The following GLI3 variants were observed in gnomAD, a reference collection of about 807,000 sequenced individuals.
The protein encoded by GLI3 is GLI family zinc finger 3.
In GLI3, 20 loss-of-function variants were observed where a neutral mutation model predicts 100.8. That is an observed-to-expected ratio of 0.20 (90% CI 0.14 to 0.29). GLI3 has a LOEUF of 0.29. Among genes scored for constraint, GLI3 ranks in the 10% least tolerant of loss-of-function variants. GLI3 has a pLI of 1.00. For synonymous variants in GLI3, 938 were observed against 860.5 expected (o/e 1.09, Z -1.58); for missense variants, 2,040 against 2,128.5 (o/e 0.96, Z 0.82).
At chr7:42,011,428 C>T (rs1314144741) in intron 10 of GLI3, among the ~76,000 whole-genome samples, 6 of 152,196 alleles carry the variant, frequency 3.9e-5, no homozygotes, top group Admixed American at 3.9e-4. Context: ...CCCAAAAGAA[C>T]TGAAAACAGG....
intron 1 of GLI3, among the ~76,000 whole-genome samples, chr7:42,250,501 T>C (rs1789019875): frequency 1.3e-5 from 2 of 152,176 alleles, no homozygotes; most frequent in Admixed American, 6.5e-5. Flanking sequence ...CAAGCTGAGA[T>C]GTGTGGCCCA....
intron 1 of GLI3, among the ~76,000 whole-genome samples, chr7:42,246,754 G>T (rs1183886499): frequency 6.8e-6 from 1 of 147,540 alleles, no homozygotes; most frequent in African/African-American, 2.5e-5. Context: ...ATTTTCGGCG[G>T]TTGGTAAATG....
chr7:42,056,798 A>AAAATAAATAAATAAAT (rs553929567), intron 4 of GLI3, among the ~76,000 whole-genome samples: 11,917 of 148,380 alleles, frequency 0.08, 570 homozygotes, highest in Non-Finnish European at 0.1. Context: ...TAAAAATACA[A>AAAATAAATAAATAAAT]AAATAAATAA....
chr7:42,226,896 A>G (rs778843461), intron 1 of GLI3, among the ~76,000 whole-genome samples: 7 of 152,204 alleles, frequency 4.6e-5, no homozygotes, highest in Non-Finnish European at 1.0e-4. Flanking sequence ...GGGAATAGTC[A>G]GGAGCTTGGA....
At chr7:42,139,641 T>C (rs979687912) in intron 3 of GLI3, among the ~76,000 whole-genome samples, 2 of 152,146 alleles carry the variant, frequency 1.3e-5, no homozygotes, top group Admixed American at 1.3e-4. Context: ...ATCACACCAT[T>C]GCACTCCAGC....
intron 4 of GLI3, among the ~76,000 whole-genome samples, chr7:42,049,853 A>G (rs1379868353): frequency 6.6e-6 from 1 of 152,206 alleles, no homozygotes; most frequent in Non-Finnish European, 1.5e-5. Context: ...GGCCATAGGA[A>G]GGGGAGGCCC....
chr7:42,073,327 T>G (rs1159611235), intron 4 of GLI3, among the ~76,000 whole-genome samples: 6 of 152,184 alleles, frequency 3.9e-5, no homozygotes, highest in Admixed American at 3.3e-4. Flanking sequence ...ACTGGGTTCT[T>G]TAACACAAAC....
In GLI3 at chr7:41,962,032, G is replaced by A. The variant is rs1156511873; in HGVS notation, c.*2298C>T. ...CCCAGAAAATAACCTGAAACCATAG[G>A]AAAGAGCAGAAGCACAAGACAACAA... On this transcript the variant is annotated 3_prime_UTR_variant, in exon 15 of 15. Coordinates refer to ENST00000395925, the MANE Select transcript of GLI3 (RefSeq NM_000168.6). 1 of 152,066 alleles carries A rather than the reference G, an allele frequency of 6.6e-6. No homozygotes were observed. Among genetic ancestry groups the A allele is most frequent in the Non-Finnish European group, 1.5e-5 (1 of 68,002 alleles). The allele number at this position is 152,066 out of a possible 1,614,324, so 9.4% of individuals were successfully genotyped here. A position where few individuals can be genotyped will look rare whatever the true frequency, so the allele number is the denominator to read the frequency against.
chr7:42,086,040 C>G (rs1224170082), intron 3 of GLI3, among the ~76,000 whole-genome samples: 1 of 152,220 alleles, frequency 6.6e-6, no homozygotes, highest in Non-Finnish European at 1.5e-5. Flanking sequence ...TCCACTCCAT[C>G]TGCAGTTCCT....
intron 3 of GLI3, among the ~76,000 whole-genome samples, chr7:42,102,169 AG>A: frequency 6.6e-6 from 1 of 152,274 alleles, no homozygotes; most frequent in South Asian, 2.1e-4. Flanking sequence ...TCTTTATAGC[AG>A]CATGATTTAT....
intron 7 of GLI3, among the ~76,000 whole-genome samples, chr7:42,037,010 T>C (rs534364275): frequency 1.6e-3 from 242 of 152,214 alleles, no homozygotes; most frequent in Middle Eastern, 3.4e-3. Flanking sequence ...GGCACAGTGG[T>C]GGGCCACTAT....
chr7:41,976,908 G>T (rs1787528710), intron 12 of GLI3, among the ~76,000 whole-genome samples: 1 of 152,152 alleles, frequency 6.6e-6, no homozygotes, highest in Non-Finnish European at 1.5e-5. Context: ...ATTTAGGGGG[G>T]ATCGCTACCT....
At position 41,961,193 on chromosome 7, in the gene GLI3, A is replaced by G. The variant is rs1168344200; in HGVS notation, c.*3137T>C. 1 of 152,644 alleles carries G rather than the reference A, an allele frequency of 6.6e-6. No individual in the cohort carries two copies. Among genetic ancestry groups the G allele is most frequent in the Non-Finnish European group, 1.5e-5 (1 of 68,050 alleles). 9.5% of individuals were successfully genotyped at this position (152,644 alleles called of 1,614,324 possible). The stretch of plus-strand genomic sequence containing the variant: ...TACATGTGTTTCTTTTAAAAAAAGG[A>G]TTACACATTTTATTTTTTAAAAAAA... On this transcript the variant is annotated 3_prime_UTR_variant, in exon 15 of 15. Coordinates refer to ENST00000395925, the MANE Select transcript of GLI3 (RefSeq NM_000168.6).
intron 4 of GLI3, among the ~76,000 whole-genome samples, chr7:42,059,034 T>C (rs1431406109): frequency 6.6e-6 from 1 of 152,222 alleles, no homozygotes; most frequent in East Asian, 1.9e-4. Context: ...TCTCATAGCA[T>C]GGGACTGCGT....
At chr7:42,177,908 G>A (rs536964365) in intron 2 of GLI3, among the ~76,000 whole-genome samples, 3 of 152,274 alleles carry the variant, frequency 2.0e-5, no homozygotes, top group South Asian at 2.1e-4. Context: ...TATCACTCAC[G>A]ACTCCATGAA....
At chr7:42,193,394 C>T (rs1787866820) in intron 2 of GLI3, among the ~76,000 whole-genome samples, 1 of 152,046 alleles carries the variant, frequency 6.6e-6, no homozygotes, top group Admixed American at 6.6e-5. Flanking sequence ...CTGTGAAAGC[C>T]TGGCCTCCAG....
intron 2 of GLI3, among the ~76,000 whole-genome samples, chr7:42,163,825 C>T (rs1018941460): frequency 2.0e-5 from 3 of 152,202 alleles, no homozygotes; most frequent in Non-Finnish European, 4.4e-5. Context: ...CTGGCTTGCA[C>T]TTGACCCCTA....
intron 4 of GLI3, among the ~76,000 whole-genome samples, chr7:42,073,237 C>T (rs1005641207): frequency 6.6e-6 from 1 of 152,162 alleles, no homozygotes; most frequent in African/African-American, 2.4e-5. Flanking sequence ...TTTCTATACT[C>T]ATTCTACACT....
chr7:42,055,096 C>G (rs1232787695), intron 4 of GLI3, among the ~76,000 whole-genome samples: 1 of 141,418 alleles, frequency 7.1e-6, no homozygotes, highest in African/African-American at 2.8e-5. Context: ...TACATATATA[C>G]ACATATATGT....
Sources: gnomAD v4.1 joint callset for allele counts (sites outside exome capture counted in the v4.1 genomes callset) on GRCh38, gnomAD v4.1.1 for gene constraint, MANE v1.5 for transcripts, NCBI Gene and HGNC (gene_info 2026-07-23, HGNC 2026-07-21) for gene names.